Variants in CDH13 observed in about 807,000 individuals in gnomAD.
CDH13 encodes the protein cadherin 13, also known as cadherin-13.
A neutral mutation model predicts 63.8 loss-of-function variants in CDH13; 24 were observed. The ratio of observed to expected loss-of-function variants is 0.38; its 90% confidence interval spans 0.27 to 0.53. The LOEUF is 0.53. Among genes scored for constraint, CDH13 ranks in the 20% least tolerant of loss-of-function variants. The pLI, the probability that CDH13 is intolerant of heterozygous loss-of-function variation, is 0.85. For synonymous variants in CDH13, 503 were observed against 355.3 expected, an observed-to-expected ratio of 1.42 and a Z score of -4.67; for missense variants, 1,049 against 903.1, an observed-to-expected ratio of 1.16 and a Z score of -2.07.
intron 4 of CDH13, among the ~76,000 whole-genome samples, chr16:83,161,974 G>A (rs529655486): frequency 6.6e-6 from 1 of 152,286 alleles, no homozygotes; most frequent in African/African-American, 2.4e-5. Context: ...TTTTCTATCA[G>A]TGCCAAATTC....
chr16:83,049,053 G>T (rs1328394956), intron 3 of CDH13, among the ~76,000 whole-genome samples: 2 of 152,110 alleles, frequency 1.3e-5, no homozygotes, highest in African/African-American at 4.8e-5. Flanking sequence ...TCCTGAGGCT[G>T]CTTGAAGTCT....
chr16:83,205,261 G>C (rs2039148263), intron 4 of CDH13, among the ~76,000 whole-genome samples: 1 of 152,196 alleles, frequency 6.6e-6, no homozygotes, highest in South Asian at 2.1e-4. Context: ...TAAGAAATCA[G>C]AAATTCAGAA....
chr16:83,198,458 A>C (rs965512624), intron 4 of CDH13, among the ~76,000 whole-genome samples: 2 of 152,202 alleles, frequency 1.3e-5, no homozygotes, highest in Non-Finnish European at 2.9e-5. Context: ...TGGATGGACC[A>C]GCTGGGAAGA....
chr16:83,557,348 C>G (rs1384475209), intron 7 of CDH13, among the ~76,000 whole-genome samples: 1 of 152,064 alleles, frequency 6.6e-6, no homozygotes, highest in Non-Finnish European at 1.5e-5. Flanking sequence ...AAATAAAGTG[C>G]ACAATAAATG....
intron 6 of CDH13, among the ~76,000 whole-genome samples, chr16:83,464,150 T>A (rs1475775604): frequency 6.6e-6 from 1 of 152,162 alleles, no homozygotes; most frequent in African/African-American, 2.4e-5. Flanking sequence ...CTCAGCTCAC[T>A]GCAACCTCTA....
At chr16:83,769,390 A>T (rs1262278954) in intron 11 of CDH13, among the ~76,000 whole-genome samples, 1 of 152,226 alleles carries the variant, frequency 6.6e-6, no homozygotes, top group East Asian at 1.9e-4. Flanking sequence ...GGAACTGGTT[A>T]GCCACTCACT....
chr16:83,124,595 C>G (rs2035730247), intron 3 of CDH13, among the ~76,000 whole-genome samples: 1 of 149,458 alleles, frequency 6.7e-6, no homozygotes, highest in Non-Finnish European at 1.5e-5. Context: ...AGGCCAATAT[C>G]TGGAAGAGTT....
At chr16:83,001,477 T>C (rs560827969) in intron 2 of CDH13, among the ~76,000 whole-genome samples, 1 of 152,270 alleles carries the variant, frequency 6.6e-6, no homozygotes, top group Non-Finnish European at 1.5e-5. Flanking sequence ...AAAATGCCAT[T>C]GCTCACATGA....
Position 83,780,134 on chromosome 16 carries a change from T to A in CDH13, c.1848T>A (p.Asp616Glu), listed in dbSNP as rs1830300760. The change falls in exon 12 of 14, where the codon GAT becomes GAA. Residue 616 changes from aspartate (D) to glutamate (E), a missense_variant. Asp to Glu is a conservative substitution (Grantham distance 45). Transcript: ENST00000567109. ...ASDKDLHPNT[D>E]PFKFEIHKQA... ...ATAAGGATCTTCACCCGAATACAGA[T>A]CCTTTCAAATTTGAAATCCACAAAC... 6.2e-7 allele frequency: 1 copy of A among 1,613,030 alleles called. No individual in the cohort carries two copies. The highest frequency in any genetic ancestry group is 8.5e-7 in the Non-Finnish European group (1 of 1,179,490).
chr16:83,133,329 C>G (rs2151660260), intron 4 of CDH13, among the ~76,000 whole-genome samples: 1 of 152,264 alleles, frequency 6.6e-6, no homozygotes, highest in East Asian at 1.9e-4. Context: ...TGGAAAATGT[C>G]TCCTTAATAA....
intron 6 of CDH13, among the ~76,000 whole-genome samples, chr16:83,372,619 G>A (rs116969413): frequency 0.015 from 2,252 of 151,976 alleles, 17 homozygotes; most frequent in Non-Finnish European, 0.023. Flanking sequence ...GGGTGTGGTG[G>A]CATGCAACTG....
chr16:82,648,005 G>C (rs1910300908), intron 1 of CDH13, among the ~76,000 whole-genome samples: 1 of 152,158 alleles, frequency 6.6e-6, no homozygotes, highest in East Asian at 1.9e-4. Flanking sequence ...TTCATAAGGG[G>C]CAGTTCCCCT....
intron 4 of CDH13, among the ~76,000 whole-genome samples, chr16:83,147,202 C>G (rs1046233369): frequency 6.6e-6 from 1 of 152,206 alleles, no homozygotes; most frequent in Non-Finnish European, 1.5e-5. Context: ...CGTGATCAGA[C>G]ATCACCAACT....
chr16:83,508,345 G>T (rs1301952598), intron 7 of CDH13: 1 of 154,614 alleles, frequency 6.5e-6, no homozygotes, highest in East Asian at 1.9e-4. Flanking sequence ...GTTGCCCCAT[G>T]GCTGCTTCTG....
At chr16:83,372,604 T>C (rs553695263) in intron 6 of CDH13, among the ~76,000 whole-genome samples, 1 of 151,636 alleles carries the variant, frequency 6.6e-6, no homozygotes, top group South Asian at 2.1e-4. Flanking sequence ...ATATAAAAAT[T>C]TACTGGGTGT....
chr16:83,039,723 A>T (rs1597202388), intron 3 of CDH13, among the ~76,000 whole-genome samples: 1 of 151,862 alleles, frequency 6.6e-6, no homozygotes, highest in Admixed American at 6.6e-5. Flanking sequence ...GGAGCGAGTT[A>T]CCCCTCTCAC....
intron 10 of CDH13, among the ~76,000 whole-genome samples, chr16:83,719,308 G>T (rs1264155003): frequency 6.6e-6 from 1 of 152,278 alleles, no homozygotes; most frequent in South Asian, 2.1e-4. Flanking sequence ...CCCTATGTGG[G>T]ATCTGTGAAG....
intron 3 of CDH13, among the ~76,000 whole-genome samples, chr16:83,110,111 G>C (rs780221557): frequency 6.6e-6 from 1 of 152,146 alleles, no homozygotes; most frequent in Non-Finnish European, 1.5e-5. Flanking sequence ...TTCATTTTTA[G>C]GTTCAACTTT....
intron 3 of CDH13, among the ~76,000 whole-genome samples, chr16:83,058,886 T>C (rs2031228225): frequency 6.6e-6 from 1 of 152,070 alleles, no homozygotes; most frequent in African/African-American, 2.4e-5. Flanking sequence ...TGCAAGGATA[T>C]TTTCTTGCTT....
Sources: allele counts gnomAD v4.1 joint callset (sites outside exome capture counted in the v4.1 genomes callset), GRCh38; gene constraint gnomAD v4.1.1; transcripts MANE v1.5; gene names NCBI Gene and HGNC (gene_info 2026-07-23, HGNC 2026-07-21).